Variants in S100A13 observed in about 807,000 individuals in gnomAD.
S100A13 encodes the protein protein S100-A13.
S100A13 carries 6 observed loss-of-function variants against 8.2 expected under a neutral mutation model. That is an observed-to-expected ratio of 0.73 (90% CI 0.40 to 1.44). The LOEUF (loss-of-function observed/expected upper bound fraction) is 1.44. Ranked by LOEUF, S100A13 falls within the 40% of genes most tolerant of loss-of-function variation. The pLI is 0.02. For synonymous variants in S100A13, 39 were observed against 45.9 expected (o/e 0.85, Z 0.61); for missense variants, 114 against 113.6 (o/e 1.00, Z -0.02).
At chr1:153,622,899 G>A (rs1273864908) in intron 2 of S100A13, among the ~76,000 whole-genome samples, 1 of 152,066 alleles carries the variant, frequency 6.6e-6, no homozygotes, top group Non-Finnish European at 1.5e-5. Flanking sequence ...TTACATGCAC[G>A]CACACGTACA....
At chr1:153,628,614 G>T, upstream of S100A13, 1 of 1,456,052 alleles carries the variant, frequency 6.9e-7, no homozygotes, top group Non-Finnish European at 9.1e-7. Context: ...GGATCTGGGA[G>T]GAGTCAGTCA....
chr1:153,624,756 CAG>C (rs757848670), intron 2 of S100A13, among the ~76,000 whole-genome samples: 1 of 152,092 alleles, frequency 6.6e-6, no homozygotes, highest in Non-Finnish European at 1.5e-5. Context: ...TTGGGAAACA[CAG>C]AGAGACCACA....
upstream of S100A13, chr1:153,631,102 G>T: frequency 3.3e-6 from 1 of 300,038 alleles, no homozygotes; most frequent in East Asian, 6.8e-5. Context: ...GACATTTTAG[G>T]AGGAGGTAAC....
Position 153,619,207 on chromosome 1 carries a change from G to A in S100A13, c.154-169C>T, listed in dbSNP as rs544982968. Among the ~76,000 whole-genome samples, 14 of 152,304 alleles carry A rather than the reference G, an allele frequency of 9.2e-5. No individual in the cohort carries two copies. In the South Asian group the frequency reaches 2.9e-3, roughly 32 times the overall value. On this transcript the variant is annotated intron_variant, in intron 2 of 2. Transcript: ENST00000476133. ...GCAGCCCCAAAACTGCACCGCCACG[G>A]GGTGCCTCTCCAAGGAGCACCAGCA... is the stretch of plus-strand genomic sequence containing the variant.
chr1:153,630,464 C>T (rs774229500), upstream of S100A13: 29 of 1,601,880 alleles, frequency 1.8e-5, no homozygotes, highest in Middle Eastern at 1.9e-4. Context: ...ACCCCAGGTA[C>T]TCCGGGCCTG....
upstream of S100A13, chr1:153,632,141 T>A: frequency 5.7e-6 from 2 of 352,342 alleles, no homozygotes; most frequent in Non-Finnish European, 1.0e-5. Flanking sequence ...TAGAAAGAGG[T>A]CAAGGTGCAT....
At chr1:153,623,038 T>A (rs1055532143) in intron 2 of S100A13, among the ~76,000 whole-genome samples, 3 of 151,712 alleles carry the variant, frequency 2.0e-5, no homozygotes, top group African/African-American at 7.3e-5. Flanking sequence ...TGCAGTGAAC[T>A]GTAATCACGC....
At chr1:153,628,977 T>TG, upstream of S100A13, 1 of 159,910 alleles carries the variant, frequency 6.3e-6, no homozygotes, top group Non-Finnish European at 1.4e-5. Context: ...CGGGGGAGTC[T>TG]GGGGGTGGCA....
rs766370363 is a variant in S100A13 at position 153,618,996 on chromosome 1, T to G, written c.196A>C (p.Asn66His). ...TTGAACTTGAGCTCCGAGTCCTGAT[T>G]CACATCCAAGCTCTTCATCTTCTCA... The part of the protein sequence containing the change: ...LDEKMKSLDV[N>H]QDSELKFNEY... Residue 66 changes from asparagine to histidine, a missense_variant, in exon 3 of 3, where the codon AAT (asparagine) becomes CAT (histidine). Asn to His is a moderately conservative substitution (Grantham distance 68, BLOSUM62 1). Coordinates refer to ENST00000476133, the MANE Select transcript of S100A13 (RefSeq NM_001024211.2). 2 of 1,613,924 alleles carry G rather than the reference T, an allele frequency of 1.2e-6. No individual in the cohort carries two copies. Among genetic ancestry groups the G allele is most frequent in the South Asian group, 2.2e-5 (2 of 91,076 alleles).
chr1:153,631,681 C>T (rs752409809), upstream of S100A13: 24 of 1,614,006 alleles, frequency 1.5e-5, no homozygotes, highest in Admixed American at 3.7e-4. Context: ...CTCCCTCTTC[C>T]TCTCCTCCCA....
rs879076165 is a variant in S100A13, at chr1:153,626,389, G to T, written c.84C>A (p.Gly28=). 2 of 1,614,128 alleles carry T rather than the reference G, an allele frequency of 1.2e-6. No individual in the cohort carries two copies. Among genetic ancestry groups the T allele is most frequent in the South Asian group, 2.2e-5 (2 of 91,076 alleles). ...CGTTGACGCTGAGGCTATCCTTCCG[G>T]CCCTCCTGCCTTGCAAAGGTGAAGA... The part of the protein sequence containing the change: ...TTFFTFARQE[G]RKDSLSVNEF... The change falls in exon 2 of 3, where the codon GGC becomes GGA. Residue 28 remains glycine, a synonymous_variant. Transcript: ENST00000476133.
chr1:153,628,651 G>GA (rs1261367230), upstream of S100A13: 2 of 1,302,862 alleles, frequency 1.5e-6, no homozygotes, highest in Non-Finnish European at 2.1e-6. Context: ...GGATTTGGGG[G>GA]AGACAGGGTT....
upstream of S100A13, chr1:153,630,677 G>A (rs746788539): frequency 1.4e-5 from 22 of 1,613,438 alleles, no homozygotes; most frequent in Non-Finnish European, 1.9e-5. Context: ...GCATAGAGTG[G>A]TGGAGTGGGA....
upstream of S100A13, chr1:153,631,738 A>G: frequency 6.2e-7 from 1 of 1,614,188 alleles, no homozygotes; most frequent in Non-Finnish European, 8.5e-7. Context: ...GTGATGAAGG[A>G]GCTAGACGAG....
upstream of S100A13, chr1:153,628,040 G>A: frequency 1.3e-6 from 2 of 1,550,326 alleles, no homozygotes; most frequent in Non-Finnish European, 1.7e-6. Context: ...CCAAGACTAA[G>A]TTTCTCACTG....
chr1:153,618,837 C>T lies in S100A13; in HGVS notation c.*58G>A, dbSNP rs533112790. ...GAGGAAGCTTTATTTGGGAAGAGTGCGGTTCTGCTCGGCCCTGATCAGCTC... is the reference window on the plus strand; with the variant it reads ...GAGGAAGCTTTATTTGGGAAGAGTGTGGTTCTGCTCGGCCCTGATCAGCTC... On this transcript the variant is annotated 3_prime_UTR_variant, in exon 3 of 3. Coordinates refer to ENST00000476133, the MANE Select transcript of S100A13 (RefSeq NM_001024211.2). 3.9e-5 allele frequency: 59 copies of T among 1,526,838 alleles called. No homozygotes were observed. In the Admixed American group the frequency reaches 6.2e-4, roughly 16 times the overall value. 94.6% of individuals were successfully genotyped at this position (1,526,838 alleles called of 1,614,324 possible).
At chr1:153,630,199 G>A, upstream of S100A13, 1 of 444,314 alleles carries the variant, frequency 2.3e-6, no homozygotes, top group South Asian at 6.1e-5. Flanking sequence ...TCCCTGCCTG[G>A]GCAGCCACTG....
intron 2 of S100A13, among the ~76,000 whole-genome samples, chr1:153,623,861 T>C (rs1223145501): frequency 1.3e-5 from 2 of 152,180 alleles, no homozygotes; most frequent in East Asian, 3.8e-4. Flanking sequence ...GCTATCCAAG[T>C]GCAGGTGCAG....
At chr1:153,619,061 G>T (rs1317328395) in intron 2 of S100A13, 23 bp from the exon 3 acceptor site, 3 of 1,607,076 alleles carry the variant, frequency 1.9e-6, no homozygotes, top group Non-Finnish European at 2.6e-6. Flanking sequence ...CAAAGGGAAG[G>T]GTAGAGTTAG....
Sources: allele counts gnomAD v4.1 joint callset (sites outside exome capture counted in the v4.1 genomes callset), GRCh38; gene constraint gnomAD v4.1.1; transcripts MANE v1.5; gene names NCBI Gene and HGNC (gene_info 2026-07-23, HGNC 2026-07-21).